CREB5: variants seen among roughly 807,000 people sequenced by gnomAD.
CREB5 encodes the protein cAMP responsive element binding protein 5.
A neutral mutation model predicts 57.1 loss-of-function variants in CREB5; 19 were observed. That is an observed-to-expected ratio of 0.33 (90% CI 0.23 to 0.49). CREB5 has a LOEUF of 0.49. Ranked by LOEUF, CREB5 falls within the 20% of genes least tolerant of loss-of-function variation. CREB5 has a pLI of 0.99. For synonymous variants in CREB5, 238 were observed against 238.3 expected (o/e 1.00, Z 0.01); for missense variants, 579 against 671.6 (o/e 0.86, Z 1.52).
At chr7:28,706,604 A>G (rs1384940168) in intron 5 of CREB5, among the ~76,000 whole-genome samples, 2 of 152,220 alleles carry the variant, frequency 1.3e-5, no homozygotes, top group Non-Finnish European at 2.9e-5. Flanking sequence ...TTGAATGCAA[A>G]GTGTAAAGTA....
At chr7:28,712,991 A>G (rs994925123) in intron 5 of CREB5, among the ~76,000 whole-genome samples, 1 of 152,204 alleles carries the variant, frequency 6.6e-6, no homozygotes, top group Non-Finnish European at 1.5e-5. Context: ...TAGTTTGCCA[A>G]ATTAGGCTAC....
chr7:28,751,199 G>C (rs557545525), intron 7 of CREB5, among the ~76,000 whole-genome samples: 4 of 122,064 alleles, frequency 3.3e-5, no homozygotes, highest in East Asian at 3.0e-4. Context: ...AGCCAGGGGT[G>C]GGGGGTGGGG....
intron 5 of CREB5, among the ~76,000 whole-genome samples, chr7:28,590,695 T>TAATAAC (rs1269136461): frequency 6.7e-6 from 1 of 149,414 alleles, no homozygotes; most frequent in Non-Finnish European, 1.5e-5. Context: ...ATAATAATAA[T>TAATAAC]AATAATAATA....
intron 1 of CREB5, among the ~76,000 whole-genome samples, chr7:28,404,023 T>G (rs1348769786): frequency 6.6e-6 from 1 of 152,214 alleles, no homozygotes; most frequent in African/African-American, 2.4e-5. Flanking sequence ...TCCCATAATT[T>G]GTATGTCATG....
At chr7:28,819,025 C>G (rs1429429007) in intron 10 of CREB5, 91 bp from the exon 11 acceptor site, 16 of 1,348,696 alleles carry the variant, frequency 1.2e-5, no homozygotes, top group Non-Finnish European at 1.6e-5. Context: ...ATATCTAGTA[C>G]AGTTTCTCTG....
intron 1 of CREB5, among the ~76,000 whole-genome samples, chr7:28,460,054 C>G (rs1790287727): frequency 6.6e-6 from 1 of 152,220 alleles, no homozygotes; most frequent in Non-Finnish European, 1.5e-5. Flanking sequence ...CTGATTACAA[C>G]TGTTCCACTA....
chr7:28,764,274 A>ATGAT (rs1805831349), intron 7 of CREB5, among the ~76,000 whole-genome samples: 2 of 152,116 alleles, frequency 1.3e-5, no homozygotes, highest in Admixed American at 1.3e-4. Flanking sequence ...CAAAATATAA[A>ATGAT]TGATATAACA....
chr7:28,609,541 G>A (rs1286155760), intron 5 of CREB5, among the ~76,000 whole-genome samples: 1 of 152,114 alleles, frequency 6.6e-6, no homozygotes, highest in Non-Finnish European at 1.5e-5. Flanking sequence ...TTTTTATTTT[G>A]ATTTGATTTT....
chr7:28,408,713 T>C (rs2128001059), upstream of CREB5, among the ~76,000 whole-genome samples: 1 of 152,254 alleles, frequency 6.6e-6, no homozygotes, highest in Middle Eastern at 3.4e-3. Context: ...TGGGGCTGTG[T>C]ATTTCATGAG....
intron 5 of CREB5, among the ~76,000 whole-genome samples, chr7:28,621,900 CA>C (rs1797805604): frequency 6.6e-6 from 1 of 152,012 alleles, no homozygotes; most frequent in African/African-American, 2.4e-5. Context: ...GCCTGTAATC[CA>C]AATAAACTAT....
chr7:28,399,140 G>A (rs1428957931), intron 1 of CREB5, among the ~76,000 whole-genome samples: 1 of 152,178 alleles, frequency 6.6e-6, no homozygotes, highest in African/African-American at 2.4e-5. Context: ...ACAGAGAGCT[G>A]ATATAAGAGT....
At chr7:28,548,833 G>T (rs936415999) in intron 4 of CREB5, among the ~76,000 whole-genome samples, 3 of 152,064 alleles carry the variant, frequency 2.0e-5, no homozygotes, top group African/African-American at 4.8e-5. Context: ...CTCAAACTTT[G>T]TCAGTTCCAG....
chr7:28,521,375 C>T (rs1247943417), intron 4 of CREB5, among the ~76,000 whole-genome samples: 1 of 152,086 alleles, frequency 6.6e-6, no homozygotes, highest in Non-Finnish European at 1.5e-5. Flanking sequence ...TTTTGGTTAC[C>T]TCACTTCTCC....
chr7:28,673,734 G>A (rs190719610), intron 5 of CREB5, among the ~76,000 whole-genome samples: 69 of 137,574 alleles, frequency 5.0e-4, no homozygotes, highest in African/African-American at 1.6e-3. Context: ...GTGCAGTGGC[G>A]TGATCTCAGC....
intron 9 of CREB5, among the ~76,000 whole-genome samples, chr7:28,812,743 C>T (rs1809198488): frequency 6.6e-6 from 1 of 152,180 alleles, no homozygotes; most frequent in Non-Finnish European, 1.5e-5. Context: ...GCAGATTCCG[C>T]TACCTTTGAA....
At chr7:28,432,572 T>A (rs1415056576) in intron 1 of CREB5, among the ~76,000 whole-genome samples, 1 of 152,098 alleles carries the variant, frequency 6.6e-6, no homozygotes, top group Non-Finnish European at 1.5e-5. Context: ...CCTGAAAGAG[T>A]AACTGGGAAA....
At chr7:28,432,304 C>T in intron 1 of CREB5, among the ~76,000 whole-genome samples, 1 of 152,160 alleles carries the variant, frequency 6.6e-6, no homozygotes, top group African/African-American at 2.4e-5. Context: ...TTCAGAAAAA[C>T]ACCCAGTGTA....
intron 5 of CREB5, among the ~76,000 whole-genome samples, chr7:28,626,100 T>G (rs1172314496): frequency 6.6e-6 from 1 of 152,228 alleles, no homozygotes; most frequent in East Asian, 1.9e-4. Flanking sequence ...TCATTTTATA[T>G]TTAACGTATG....
chr7:28,434,670 C>G (rs1368298859), intron 1 of CREB5, among the ~76,000 whole-genome samples: 1 of 152,094 alleles, frequency 6.6e-6, no homozygotes, highest in Non-Finnish European at 1.5e-5. Flanking sequence ...GTCATATAGT[C>G]TGAGGTGGTT....
Sources: allele counts gnomAD v4.1 joint callset (sites outside exome capture counted in the v4.1 genomes callset), GRCh38; gene constraint gnomAD v4.1.1; transcripts MANE v1.5; gene names NCBI Gene and HGNC (gene_info 2026-07-23, HGNC 2026-07-21).